CELF2: variants seen among roughly 807,000 people sequenced by gnomAD.
CELF2 encodes CUG triplet repeat RNA-binding protein 2.
A neutral mutation model predicts 62.6 loss-of-function variants in CELF2; 8 were observed. The ratio of observed to expected loss-of-function variants is 0.13; its 90% CI spans 0.07 to 0.23. CELF2 has a LOEUF of 0.23. Ranked by LOEUF, CELF2 falls within the 10% of genes least tolerant of loss-of-function variation. CELF2 has a pLI of 1.00. For synonymous variants in CELF2, 258 were observed against 250.0 expected, an observed-to-expected ratio of 1.03 and a Z score of -0.30; for missense variants, 333 against 671.0, an observed-to-expected ratio of 0.50 and a Z score of 5.56.
the CELF2 span, among the ~76,000 whole-genome samples, chr10:10,771,713 T>C: frequency 7.2e-5 from 11 of 152,340 alleles, no homozygotes; most frequent in East Asian, 2.1e-3. Context: ...GACTTGCTCC[T>C]CCTTGCCTTC....
the CELF2 span, among the ~76,000 whole-genome samples, chr10:10,480,541 G>A: frequency 6.6e-6 from 1 of 152,046 alleles, no homozygotes; most frequent in African/African-American, 2.4e-5. Flanking sequence ...AATCACAGGG[G>A]GTACACATGA....
Position 11,012,585 on chromosome 10 carries a change from A to G in CELF2, c.53+7145A>G, listed in dbSNP as rs921184104. Among the ~76,000 whole-genome samples the G allele has an allele frequency of 6.6e-6, 1 of 152,108 alleles. No homozygotes were observed. On this transcript the variant is annotated intron_variant, in intron 1 of 12. Transcript: ENST00000416382. This position sits in a 1 kb window ranked among gnomAD's most constrained non-coding sequence, Gnocchi z 5.5. ...TCCGGGACCGAATGTTACGCCTGCA[A>G]CTGTGTCCTCCCAGCTGTTGCTGTT...
chr10:11,030,667 T>C (rs2059961786), intron 1 of CELF2: 1 of 152,300 alleles, frequency 6.6e-6, no homozygotes, highest in Non-Finnish European at 1.5e-5. Flanking sequence ...GAGGATTTTT[T>C]GGTGTAAACA....
intron 1 of CELF2, chr10:11,030,663 T>G (rs1317076826): frequency 6.6e-6 from 1 of 152,292 alleles, no homozygotes; most frequent in Non-Finnish European, 1.5e-5. Context: ...TCTTGAGGAT[T>G]TTTTGGTGTA....
rs12573702 is a variant in CELF2, at chr10:10,937,795, C to G, written c.89+17796C>G. On this transcript the variant is annotated intron_variant, in intron 2 of 13. Transcript: ENST00000636488. ...AGATGTTCTCATTCTGTATCAGTGG[C>G]TGTAGACAGTGTAAGTCTAGATAGC... Among the ~76,000 whole-genome samples the G allele has an allele frequency of 7.7e-3, 1,168 of 152,018 alleles. 23 individuals carry two copies. Among genetic ancestry groups the G allele is most frequent in the East Asian group, 0.074 (383 of 5,170 alleles).
the CELF2 span, among the ~76,000 whole-genome samples, chr10:10,722,636 T>C: frequency 4.6e-5 from 7 of 152,376 alleles, no homozygotes; most frequent in African/African-American, 1.7e-4. Context: ...TAGAATGTTA[T>C]AGCTTATTGC....
At chr10:10,538,792 C>G in the CELF2 span, among the ~76,000 whole-genome samples, 7 of 152,200 alleles carry the variant, frequency 4.6e-5, no homozygotes. Flanking sequence ...TGTGACTGTT[C>G]TTTGTTACAC....
Position 11,243,873 on chromosome 10 carries a change from C to CA in CELF2, c.355-5275dup, listed in dbSNP as rs1189442573. ...CACACGTCTCTTCAGAGACTCCTTG[C>CA]AAAAATTCTGGAAGATCGTGTACTC... is the stretch of plus-strand genomic sequence containing the variant. On this transcript the variant is annotated intron_variant, in intron 3 of 12. Coordinates refer to ENST00000633077, the MANE Select transcript of CELF2 (RefSeq NM_001326342.2). This position sits in a 1 kb window ranked among gnomAD's most constrained non-coding sequence, Gnocchi z 4.1. Among the ~76,000 whole-genome samples, 2 of 152,210 alleles carry CA rather than the reference C, an allele frequency of 1.3e-5. No individual in the cohort carries two copies. The highest frequency in any genetic ancestry group is 2.9e-5 in the Non-Finnish European group (2 of 68,034).
intron 1 of CELF2, among the ~76,000 whole-genome samples, chr10:10,919,404 G>A (rs980301222): frequency 6.6e-6 from 1 of 152,160 alleles, no homozygotes; most frequent in African/African-American, 2.4e-5. Context: ...TGTGCCATTT[G>A]AATTATCATA....
the CELF2 span, among the ~76,000 whole-genome samples, chr10:10,666,184 A>G: frequency 1.3e-5 from 2 of 152,118 alleles, no homozygotes; most frequent in African/African-American, 2.4e-5. Flanking sequence ...GCTCCCCATA[A>G]TTTTAACCTC....
chr10:10,616,699 T>C, the CELF2 span, among the ~76,000 whole-genome samples: 4 of 121,438 alleles, frequency 3.3e-5, no homozygotes, highest in African/African-American at 8.8e-5. Flanking sequence ...TGCGTGTGTG[T>C]GTGTGTGTGT....
chr10:10,992,111 A>G (rs1474186915), intron 2 of CELF2, among the ~76,000 whole-genome samples: 1 of 152,228 alleles, frequency 6.6e-6, no homozygotes, highest in East Asian at 1.9e-4. Context: ...TTACTAGTCA[A>G]TTGCTGCAAT....
the CELF2 span, among the ~76,000 whole-genome samples, chr10:10,698,300 T>C: frequency 6.6e-6 from 1 of 152,186 alleles, no homozygotes; most frequent in Non-Finnish European, 1.5e-5. Flanking sequence ...AAGAGTCCCA[T>C]AAATCAGGTG....
intron 2 of CELF2, among the ~76,000 whole-genome samples, chr10:10,927,580 A>G (rs981398844): frequency 6.6e-6 from 1 of 152,048 alleles, no homozygotes; most frequent in Non-Finnish European, 1.5e-5. Flanking sequence ...GGTGTACATC[A>G]GCACACTGGG....
At chr10:11,077,939 G>A (rs1440537286) in intron 1 of CELF2, among the ~76,000 whole-genome samples, 3 of 152,150 alleles carry the variant, frequency 2.0e-5, no homozygotes, top group East Asian at 1.9e-4. Context: ...CATATTAGGA[G>A]TTTTGCAGCT....
chr10:10,949,742 A>T (rs1256466939), intron 2 of CELF2, among the ~76,000 whole-genome samples: 1 of 151,186 alleles, frequency 6.6e-6, no homozygotes, highest in African/African-American at 2.4e-5. Context: ...TGGAGGTTGC[A>T]CTGAGCCAAG....
the CELF2 span, among the ~76,000 whole-genome samples, chr10:10,533,343 T>C: frequency 1.3e-5 from 2 of 152,336 alleles, no homozygotes; most frequent in Non-Finnish European, 2.9e-5. Flanking sequence ...TCAGAGCATA[T>C]ACATTTTAGA....
chr10:10,744,072 G>A, the CELF2 span, among the ~76,000 whole-genome samples: 5 of 151,998 alleles, frequency 3.3e-5, no homozygotes, highest in Non-Finnish European at 7.4e-5. Flanking sequence ...ACTCAGATAA[G>A]ACTGTCTTAC....
At chr10:11,169,445 A>G (rs1479874049) in intron 2 of CELF2, among the ~76,000 whole-genome samples, 1 of 152,240 alleles carries the variant, frequency 6.6e-6, no homozygotes, top group East Asian at 1.9e-4. Context: ...AATGATGGTG[A>G]ACATTACAAA....
Sources: gnomAD v4.1 joint callset for allele counts (sites outside exome capture counted in the v4.1 genomes callset) on GRCh38, gnomAD v4.1.1 for gene constraint, Gnocchi (gnomAD v3.1) non-coding constraint, MANE v1.5 for transcripts, NCBI Gene and HGNC (gene_info 2026-07-23, HGNC 2026-07-21) for gene names.